Variants in PYGM observed in about 807,000 individuals in gnomAD.
PYGM encodes glycogen phosphorylase, muscle associated.
Under a neutral mutation model 99.3 loss-of-function variants are expected in PYGM, and 81 were observed. The ratio of observed to expected loss-of-function variants is 0.82; its 90% CI spans 0.68 to 0.98. The LOEUF (loss-of-function observed/expected upper bound fraction) is 0.98, where lower values mean the gene tolerates loss of function less well. Ranked by LOEUF, PYGM falls within the 50% of genes least tolerant of loss-of-function variation. The probability of loss-of-function intolerance (pLI) is 0.00; values close to 1 mark genes in which losing one functional copy is unlikely to be tolerated. For missense variants in PYGM, 1,030 were observed against 1,158.1 expected, an observed-to-expected ratio of 0.89 and a Z score of 1.61; for synonymous variants, 436 against 451.5, an observed-to-expected ratio of 0.97 and a Z score of 0.44.
Position 64,753,639 on chromosome 11 carries a change from C to G in PYGM, c.1283G>C (p.Arg428Pro). 6.2e-7 allele frequency: 1 copy of G among 1,608,138 alleles called. No individual in the cohort carries two copies. Residue 428 changes from arginine to proline, a missense_variant, in exon 11 of 20, where the codon CGC (arginine) becomes CCC (proline). Physicochemically the swap from Arg to Pro is moderately radical, Grantham distance 103. Transcript: ENST00000164139. ...TGCGCCCTCCTCCACCAGCGACATG[C>G]GCCGCAGCCGGTCTACGTCCCCTGG... Reference protein sequence around the residue: ...AFPGDVDRLRRMSLVEEGAVK... With the variant: ...AFPGDVDRLRPMSLVEEGAVK...
At chr11:64,757,979 G>A (rs2058404781) in intron 4 of PYGM, 69 bp from the exon 5 acceptor site, 14 of 1,603,372 alleles carry the variant, frequency 8.7e-6, no homozygotes, top group Non-Finnish European at 1.2e-5. Flanking sequence ...GCACGGTGGG[G>A]CAGGGTGGGG....
intron 5 of PYGM, among the ~76,000 whole-genome samples, chr11:64,757,571 C>T (rs1040478518): frequency 3.3e-5 from 5 of 152,186 alleles, no homozygotes; most frequent in African/African-American, 9.7e-5. Context: ...CCTCTCTCCC[C>T]TTCCAGACTC....
At chr11:64,752,165 C>T (rs1344408823) in intron 13 of PYGM, 94 bp from the exon 14 acceptor site, 1 of 1,561,964 alleles carries the variant, frequency 6.4e-7, no homozygotes, top group East Asian at 2.2e-5. Flanking sequence ...GGATGGCTAC[C>T]AGGAGGCTCA....
chr11:64,750,534 T>G lies in PYGM; in HGVS notation c.2019A>C (p.Glu673Asp). 3 of 1,613,978 alleles carry G rather than the reference T, an allele frequency of 1.9e-6. No individual in the cohort carries two copies. The highest frequency in any genetic ancestry group is 2.5e-6 in the Non-Finnish European group (3 of 1,179,976). Residue 673 changes from glutamate to aspartate, a missense_variant, in exon 17 of 20, where the codon GAA becomes GAC. Physicochemically the swap from Glu to Asp is conservative, Grantham distance 45. Coordinates refer to ENST00000164139, the MANE Select transcript of PYGM (RefSeq NM_005609.4). ...ACTTCATGTTGCCGGTGCCTGAGGC[T>G]TCAGTGCCCGCAGTGGAGATCTGCT... ...LSEQISTAGT[E>D]ASGTGNMKFM...
intron 3 of PYGM, 34 bp downstream of exon 3, chr11:64,758,403 G>C (rs771744803): frequency 6.2e-7 from 1 of 1,613,090 alleles, no homozygotes; most frequent in South Asian, 1.1e-5. Context: ...GGACCCCATC[G>C]GCCCACTCCA....
Position 64,755,159 on chromosome 11 carries a change from C to A in PYGM, c.855+114G>T. On this transcript the variant is annotated intron_variant, in intron 7 of 19. Coordinates refer to ENST00000164139, the MANE Select transcript of PYGM (RefSeq NM_005609.4). The surrounding 1 kb of genome is among the most constrained non-coding windows in gnomAD (Gnocchi z 4.1). ...GGTGGGGGCACAGGATGCACAAGGC[C>A]AGCAATATGCCCTGGGTGTGACTAG... The A allele has an allele frequency of 1.6e-6, 2 of 1,240,772 alleles. No individual in the cohort carries two copies. The highest frequency in any genetic ancestry group is 1.2e-6 in the Non-Finnish European group (1 of 853,434). 76.9% of individuals were successfully genotyped at this position (1,240,772 alleles called of 1,614,324 possible).
rs1443420118 is a variant in PYGM at position 64,746,906 on chromosome 11, C to A, written c.2379+15G>T. 6.2e-7 allele frequency: 1 copy of A among 1,614,226 alleles called. No individual in the cohort carries two copies. The highest frequency in any genetic ancestry group is 2.2e-5 in the East Asian group (1 of 44,896). ...CCACCAAAGCCCTGCCAACCCCTGG[C>A]CCAGGACCCCTCACCTTGTACAAGG... is the stretch of plus-strand genomic sequence containing the variant. On this transcript the variant is annotated intron_variant, in intron 19 of 19. Coordinates refer to ENST00000164139, the MANE Select transcript of PYGM (RefSeq NM_005609.4).
chr11:64,756,064 A>G (rs1185777545), intron 5 of PYGM, among the ~76,000 whole-genome samples: 2 of 152,174 alleles, frequency 1.3e-5, no homozygotes, highest in Non-Finnish European at 2.9e-5. Flanking sequence ...AGCAAACATC[A>G]ATAATTGTCT....
chr11:64,750,477 G>A lies in PYGM; in HGVS notation c.2076C>T (p.Thr692=). Residue 692 remains threonine, a synonymous_variant, in exon 17 of 20, where the codon ACC becomes ACT. Transcript: ENST00000164139. ...CCATCTCCACATTGGCCCCGTCCATGGTGCCAATGGTCAGAGCCCCGTTGA... is the reference window on the plus strand; with the variant it reads ...CCATCTCCACATTGGCCCCGTCCATAGTGCCAATGGTCAGAGCCCCGTTGA... ...FMLNGALTIG[T]MDGANVEMAE... 1 of 1,614,200 alleles carries A rather than the reference G, an allele frequency of 6.2e-7. No individual in the cohort carries two copies.
intron 17 of PYGM, chr11:64,747,570 C>T (rs1467732227): frequency 3.3e-6 from 2 of 607,988 alleles, no homozygotes; most frequent in East Asian, 5.9e-5. Context: ...AACTGAGGCC[C>T]GGAGGATACA....
At chr11:64,751,064 G>C (rs1005391586) in intron 16 of PYGM, 4 of 461,574 alleles carry the variant, frequency 8.7e-6, no homozygotes, top group African/African-American at 8.0e-5. Context: ...GCTAATTTTT[G>C]TATTTTTAGT....
In PYGM at chr11:64,758,681, C is replaced by T. The variant is rs2135840920; in HGVS notation, c.267G>A (p.Glu89=). Residue 89 remains glutamate (E), a synonymous_variant, in exon 2 of 20, where the codon GAG becomes GAA. Transcript: ENST00000164139. ...DPKRIYYLSL[E]FYMGRTLQNT... is the part of the protein sequence containing the mutation. ...TCTGTAGCGTCCGTCCCATATAGAACTCTAAAGACAGGTAGTAGATCCTCT... is the reference window on the plus strand; with the variant it reads ...TCTGTAGCGTCCGTCCCATATAGAATTCTAAAGACAGGTAGTAGATCCTCT... 1 of 1,611,438 alleles carries T rather than the reference C, an allele frequency of 6.2e-7. No homozygotes were observed. Among genetic ancestry groups the T allele is most frequent in the Non-Finnish European group, 8.5e-7 (1 of 1,177,598 alleles).
rs1006818514 is a variant in PYGM at position 64,759,972 on chromosome 11, A to T, written c.-74T>A. 1.3e-5 allele frequency: 21 copies of T among 1,588,444 alleles called. No individual in the cohort carries two copies. The highest frequency in any genetic ancestry group is 1.8e-5 in the Non-Finnish European group (21 of 1,165,630). Reference sequence around the variant, plus strand: ...GCCTCAGCACTGCCTCCAGCCAAGGAGTGGAGCTCCCCAGCCTCAAGGGGA... The same window carrying T: ...GCCTCAGCACTGCCTCCAGCCAAGGTGTGGAGCTCCCCAGCCTCAAGGGGA... On this transcript the variant is annotated 5_prime_UTR_variant, in exon 1 of 20. Coordinates refer to ENST00000164139, the MANE Select transcript of PYGM (RefSeq NM_005609.4).
At chr11:64,751,245 C>A in intron 16 of PYGM, 80 bp downstream of exon 16, 1 of 1,584,234 alleles carries the variant, frequency 6.3e-7, no homozygotes, top group Non-Finnish European at 8.6e-7. Context: ...GTACAAGTAT[C>A]CCAGGAAGAG....
rs186598214 is a variant in PYGM, at chr11:64,746,628, C to T, written c.*31G>A. 3.0e-4 allele frequency: 491 copies of T among 1,613,752 alleles called. 1 individual carries two copies. In the African/African-American group the frequency reaches 6.1e-3, roughly 20 times the overall value. On this transcript the variant is annotated 3_prime_UTR_variant, in exon 20 of 20. Transcript: ENST00000164139. The stretch of plus-strand genomic sequence containing the variant: ...CTGGCCCAAGAGAGTGTGACAGACT[C>T]AAGGGCTGGTTTGGGGTCTGGTCTG...
Position 64,754,672 on chromosome 11 carries a change from C to A in PYGM, c.999+21G>T. 1 of 1,612,086 alleles carries A rather than the reference C, an allele frequency of 6.2e-7. No homozygotes were observed. Among genetic ancestry groups the A allele is most frequent in the Non-Finnish European group, 8.5e-7 (1 of 1,179,536 alleles). ...AGCACACACTGTCCGGTCACAGAGT[C>A]GCCCTCCACACGCATGGTACCTTAT... On this transcript the variant is annotated intron_variant, in intron 8 of 19. Transcript: ENST00000164139. This position sits in a 1 kb window ranked among gnomAD's most constrained non-coding sequence, Gnocchi z 5.5.
chr11:64,753,203 G>A lies in PYGM; in HGVS notation c.1404-16C>T, dbSNP rs1246683334. On this transcript the variant is annotated splice_polypyrimidine_tract_variant and intron_variant, in intron 11 of 19. Coordinates refer to ENST00000164139, the MANE Select transcript of PYGM (RefSeq NM_005609.4). ...GTCTTTGAAGCTGCAGGATGAGGTT[G>A]GACGAGGGTCACCACTCACCCCTGT... is the stretch of plus-strand genomic sequence containing the variant. 1.3e-6 allele frequency: 2 copies of A among 1,586,626 alleles called. No homozygotes were observed. Among genetic ancestry groups the A allele is most frequent in the Non-Finnish European group, 8.7e-7 (1 of 1,155,336 alleles).
Position 64,754,072 on chromosome 11 carries a change from G to A in PYGM, c.1093-47C>T. The A allele has an allele frequency of 6.3e-7, 1 of 1,598,258 alleles. No individual in the cohort carries two copies. Among genetic ancestry groups the A allele is most frequent in the Non-Finnish European group, 8.5e-7 (1 of 1,172,550 alleles). On this transcript the variant is annotated intron_variant, in intron 9 of 19. Coordinates refer to ENST00000164139, the MANE Select transcript of PYGM (RefSeq NM_005609.4). The surrounding 1 kb of genome is among the most constrained non-coding windows in gnomAD (Gnocchi z 5.5). Reference sequence around the variant, plus strand: ...CAGGATGCTGACCTCAGCCCAGTGGGTCTCCTCACACACTACGCATCCCAG... The same window carrying A: ...CAGGATGCTGACCTCAGCCCAGTGGATCTCCTCACACACTACGCATCCCAG...
At chr11:64,759,170 C>T (rs1007865677) in intron 1 of PYGM, among the ~76,000 whole-genome samples, 2 of 152,150 alleles carry the variant, frequency 1.3e-5, no homozygotes, top group Admixed American at 1.3e-4. Flanking sequence ...GCTGCCAGTG[C>T]CTGGTCTCCC....
Sources: gnomAD v4.1 joint callset for allele counts (sites outside exome capture counted in the v4.1 genomes callset) on GRCh38, gnomAD v4.1.1 for gene constraint, Gnocchi (gnomAD v3.1) non-coding constraint, MANE v1.5 for transcripts, NCBI Gene and HGNC (gene_info 2026-07-23, HGNC 2026-07-21) for gene names.